IPCEF1: variants seen among roughly 807,000 people sequenced by gnomAD.
IPCEF1 encodes the protein interaction protein for cytohesin exchange factors 1, also known as interactor protein for cytohesin exchange factors 1.
In IPCEF1, 31 loss-of-function variants were observed where a neutral mutation model predicts 50.9. The ratio of observed to expected loss-of-function variants is 0.61; its 90% CI spans 0.46 to 0.82. IPCEF1 has a LOEUF of 0.82. Among genes scored for constraint, IPCEF1 ranks in the 40% least tolerant of loss-of-function variants. The probability of loss-of-function intolerance (pLI) is 0.00; values close to 1 mark genes in which losing one functional copy is unlikely to be tolerated. For synonymous variants in IPCEF1, 181 were observed against 192.0 expected (o/e 0.94, Z 0.47); for missense variants, 458 against 514.0 (o/e 0.89, Z 1.05).
chr6:154,187,061 C>T (rs573994049), intron 10 of IPCEF1, among the ~76,000 whole-genome samples: 80 of 152,306 alleles, frequency 5.3e-4, no homozygotes, highest in Non-Finnish European at 9.6e-4. Flanking sequence ...CTCTGTCTTC[C>T]TGCCGCTAGT....
At chr6:154,353,831 T>A (rs898932505) in intron 1 of IPCEF1, among the ~76,000 whole-genome samples, 1 of 152,240 alleles carries the variant, frequency 6.6e-6, no homozygotes, top group Non-Finnish European at 1.5e-5. Flanking sequence ...TAGCATTACA[T>A]CATGAGACTA....
At chr6:154,293,206 G>A (rs905839720) in intron 1 of IPCEF1, among the ~76,000 whole-genome samples, 19 of 152,280 alleles carry the variant, frequency 1.2e-4, no homozygotes, top group African/African-American at 4.3e-4. Flanking sequence ...GAAACAAACA[G>A]GTTTCCCAAC....
At chr6:154,338,107 AT>A (rs1490778784) in intron 1 of IPCEF1, among the ~76,000 whole-genome samples, 5 of 152,162 alleles carry the variant, frequency 3.3e-5, no homozygotes, top group Non-Finnish European at 7.3e-5. Context: ...GTCTCTGTTG[AT>A]TTATCATCTA....
At chr6:154,316,841 T>C (rs528287321) in intron 1 of IPCEF1, among the ~76,000 whole-genome samples, 1 of 152,336 alleles carries the variant, frequency 6.6e-6, no homozygotes, top group South Asian at 2.1e-4. Flanking sequence ...AATATATACG[T>C]ATTTTAAAAC....
intron 3 of IPCEF1, among the ~76,000 whole-genome samples, chr6:154,264,092 T>G (rs1781688374): frequency 6.6e-6 from 1 of 151,740 alleles, no homozygotes; most frequent in African/African-American, 2.4e-5. Context: ...TTGATTCTCT[T>G]ATTTGTTCCT....
At position 154,254,748 on chromosome 6, in the gene IPCEF1, T is replaced by C. The variant is rs148281542; in HGVS notation, c.37-7260A>G. 9.8e-5 allele frequency among the ~76,000 whole-genome samples: 15 copies of C among 152,352 alleles called. No homozygotes were observed. In the East Asian group the frequency reaches 2.7e-3, roughly 27 times the overall value. ...TTCTGTGTGGTTGGTTGGTTGGTTTTTGCCATTTCTTTTATAAGGACCATA... is the reference window on the plus strand; with the variant it reads ...TTCTGTGTGGTTGGTTGGTTGGTTTCTGCCATTTCTTTTATAAGGACCATA... On this transcript the variant is annotated intron_variant, in intron 3 of 11. Coordinates refer to ENST00000367220, the MANE Select transcript of IPCEF1 (RefSeq NM_001130700.2).
chr6:154,333,751 ATG>A (rs1783728219), intron 1 of IPCEF1, among the ~76,000 whole-genome samples: 1 of 151,280 alleles, frequency 6.6e-6, no homozygotes, highest in Admixed American at 6.6e-5. Context: ...ATATATGTGT[ATG>A]TATATATGTG....
intron 1 of IPCEF1, among the ~76,000 whole-genome samples, chr6:154,321,739 C>T (rs918267638): frequency 7.3e-6 from 1 of 136,320 alleles, no homozygotes; most frequent in African/African-American, 2.7e-5. Context: ...AAGATCGCAC[C>T]ATTGCATTTC....
chr6:154,251,754 C>A (rs1781342266), intron 3 of IPCEF1, among the ~76,000 whole-genome samples: 1 of 151,748 alleles, frequency 6.6e-6, no homozygotes, highest in Admixed American at 6.6e-5. Flanking sequence ...ACGGCACTTT[C>A]CACCTAGAAG....
chr6:154,195,983 G>C lies in IPCEF1; in HGVS notation c.910+3685C>G, dbSNP rs192044542. Reference sequence around the variant, plus strand: ...ATTTTTGTATTTTTAGTAGAGACAGGGTTTTACTATGTTGGCCAGGCTGGT... The same window carrying C: ...ATTTTTGTATTTTTAGTAGAGACAGCGTTTTACTATGTTGGCCAGGCTGGT... On this transcript the variant is annotated intron_variant, in intron 10 of 11. Coordinates refer to ENST00000367220, the MANE Select transcript of IPCEF1 (RefSeq NM_001130700.2). Among the ~76,000 whole-genome samples the C allele has an allele frequency of 3.3e-5, 5 of 151,814 alleles. No homozygotes were observed. In the East Asian group the frequency reaches 7.8e-4, roughly 24 times the overall value.
chr6:154,160,222 C>A (rs1276663457), intron 11 of IPCEF1, among the ~76,000 whole-genome samples, 182 bp from the exon 12 acceptor site: 1 of 152,216 alleles, frequency 6.6e-6, no homozygotes, highest in African/African-American at 2.4e-5. Context: ...CATACGCTAG[C>A]CGCAAAGAAG....
intron 5 of IPCEF1, among the ~76,000 whole-genome samples, chr6:154,245,281 T>A (rs1780935337): frequency 8.1e-6 from 1 of 123,466 alleles, no homozygotes; most frequent in Non-Finnish European, 1.8e-5. Flanking sequence ...ACTCACCAAA[T>A]GCTTGGAAAA....
chr6:154,313,958 G>T (rs985979379), intron 1 of IPCEF1, among the ~76,000 whole-genome samples: 9 of 151,844 alleles, frequency 5.9e-5, no homozygotes, highest in African/African-American at 2.2e-4. Context: ...GTGTTGGCCA[G>T]GCTGGTCTCA....
At position 154,257,342 on chromosome 6, in the gene IPCEF1, A is replaced by G. The variant is rs191333585; in HGVS notation, c.36+8570T>C. On this transcript the variant is annotated intron_variant, in intron 3 of 11. Transcript: ENST00000367220. The stretch of plus-strand genomic sequence containing the variant: ...TTAGCGGAACATTTTTTACACCCCT[A>G]TCCCTTAACCTGCAGGCAGAGGCAA... Among the ~76,000 whole-genome samples, 13 of 152,158 alleles carry G rather than the reference A, an allele frequency of 8.5e-5. No individual in the cohort carries two copies. In the South Asian group the frequency reaches 2.7e-3, roughly 31 times the overall value.
chr6:154,216,644 T>C (rs1778418289), intron 7 of IPCEF1, among the ~76,000 whole-genome samples: 1 of 151,986 alleles, frequency 6.6e-6, no homozygotes, highest in Non-Finnish European at 1.5e-5. Flanking sequence ...CCAAGGCAGG[T>C]GGATCATGAG....
chr6:154,276,734 A>G (rs1439318917), intron 2 of IPCEF1, among the ~76,000 whole-genome samples: 2 of 152,090 alleles, frequency 1.3e-5, no homozygotes, highest in African/African-American at 2.4e-5. Flanking sequence ...GCAGGCTTTT[A>G]TTTTCTTTTT....
intron 10 of IPCEF1, among the ~76,000 whole-genome samples, chr6:154,174,423 C>A (rs1800130883): frequency 6.6e-6 from 1 of 151,974 alleles, no homozygotes; most frequent in East Asian, 1.9e-4. Context: ...ATTCAGGAGA[C>A]CCATCTCACG....
intron 9 of IPCEF1, among the ~76,000 whole-genome samples, chr6:154,204,843 C>T (rs553393608): frequency 2.6e-5 from 4 of 152,270 alleles, no homozygotes; most frequent in African/African-American, 4.8e-5. Context: ...AGAAAAATAT[C>T]CATAGTATTC....
chr6:154,200,341 C>T (rs1276319867), intron 9 of IPCEF1, among the ~76,000 whole-genome samples: 2 of 152,196 alleles, frequency 1.3e-5, no homozygotes, highest in Non-Finnish European at 2.9e-5. Flanking sequence ...TTTGGGAATG[C>T]TTCAGAATAC....
Sources: gnomAD v4.1 joint callset for allele counts (sites outside exome capture counted in the v4.1 genomes callset) on GRCh38, gnomAD v4.1.1 for gene constraint, MANE v1.5 for transcripts, NCBI Gene and HGNC (gene_info 2026-07-23, HGNC 2026-07-21) for gene names.